Variants in RAB39A observed in about 807,000 individuals in gnomAD.
The protein encoded by RAB39A is RAB39A, member RAS oncogene family.
Under a neutral mutation model 20.9 loss-of-function variants are expected in RAB39A, and 17 were observed. That is an observed-to-expected ratio of 0.81 (90% CI 0.56 to 1.22). The LOEUF (loss-of-function observed/expected upper bound fraction) is 1.22. RAB39A is among the 50% of genes most tolerant of loss of function. The probability of loss-of-function intolerance (pLI) is 0.00; values close to 1 mark genes in which losing one functional copy is unlikely to be tolerated. For missense variants in RAB39A, 234 were observed against 270.5 expected (o/e 0.87, Z 0.95); for synonymous variants, 99 against 103.4 (o/e 0.96, Z 0.26).
chr11:107,959,257 A>G lies in RAB39A; in HGVS notation c.228-2689A>G, dbSNP rs1861470632. Among the ~76,000 whole-genome samples, 3 of 152,384 alleles carry G rather than the reference A, an allele frequency of 2.0e-5. No homozygotes were observed. The South Asian group carries it at 6.2e-4, about 32-fold the overall frequency. On this transcript the variant is annotated intron_variant, in intron 1 of 1. Transcript: ENST00000320578. ...TAAAATATTCTAGTAATGGTAAATT[A>G]AATGGATAGGAGGGATAAAAGTGAT...
intron 1 of RAB39A, among the ~76,000 whole-genome samples, chr11:107,946,476 T>A (rs1163105106): frequency 7.8e-4 from 69 of 88,858 alleles, no homozygotes; most frequent in African/African-American, 2.9e-3. Context: ...TTTTTTTTTT[T>A]TTTTTTTTTT....
chr11:107,960,030 T>G (rs2134976000), intron 1 of RAB39A, among the ~76,000 whole-genome samples: 1 of 152,174 alleles, frequency 6.6e-6, no homozygotes, highest in East Asian at 1.9e-4. Flanking sequence ...GCCAACATGG[T>G]GAAACCCTGT....
chr11:107,934,844 G>T (rs11212444), intron 1 of RAB39A, among the ~76,000 whole-genome samples: 4 of 150,200 alleles, frequency 2.7e-5, no homozygotes, highest in Non-Finnish European at 4.4e-5. Context: ...TGGGAGAATC[G>T]CTTGAACCCA....
intron 1 of RAB39A, among the ~76,000 whole-genome samples, chr11:107,946,460 A>ATATATAT (rs1861319013): frequency 6.3e-5 from 1 of 15,750 alleles, no homozygotes; most frequent in African/African-American, 2.3e-4. Context: ...ATATATATAT[A>ATATATAT]TTTTTTTTTT....
At chr11:107,948,067 G>T (rs1861337250) in intron 1 of RAB39A, among the ~76,000 whole-genome samples, 2 of 151,968 alleles carry the variant, frequency 1.3e-5, no homozygotes, top group Admixed American at 1.3e-4. Flanking sequence ...AAAAAGGCAA[G>T]GGAACCTCCC....
rs774749712 is a variant in RAB39A at position 107,962,120 on chromosome 11, A to G, written c.402A>G (p.Gln134=). 12 of 1,614,166 alleles carry G rather than the reference A, an allele frequency of 7.4e-6. No individual in the cohort carries two copies. Among genetic ancestry groups the G allele is most frequent in the Non-Finnish European group, 1.0e-5 (12 of 1,179,996 alleles). ...LVGHKCDLAS[Q]RQVTREEAEK... ...GACATAAATGTGATTTAGCTTCACAACGTCAAGTTACAAGGGAAGAAGCTG... is the reference window on the plus strand; with the variant it reads ...GACATAAATGTGATTTAGCTTCACAGCGTCAAGTTACAAGGGAAGAAGCTG... Residue 134 remains glutamine, a synonymous_variant, in exon 2 of 2, where the codon CAA becomes CAG. Coordinates refer to ENST00000320578, the MANE Select transcript of RAB39A (RefSeq NM_017516.3).
chr11:107,932,729 T>C (rs1375053760), intron 1 of RAB39A, among the ~76,000 whole-genome samples: 1 of 152,198 alleles, frequency 6.6e-6, no homozygotes, highest in Non-Finnish European at 1.5e-5. Flanking sequence ...TGTTTTGTTT[T>C]TTGAGACAAT....
Position 107,928,879 on chromosome 11 carries a change from C to G in RAB39A, c.227+84C>G, listed in dbSNP as rs564957897. ...TTCCCCAGGCGTCCGCCCCGCCGGC[C>G]CTGGTCGGGAGAGGCTCTGGCCCTT... On this transcript the variant is annotated intron_variant, in intron 1 of 1. Coordinates refer to ENST00000320578, the MANE Select transcript of RAB39A (RefSeq NM_017516.3). This position sits in a 1 kb window ranked among gnomAD's most constrained non-coding sequence, Gnocchi z 4.9. 1.7e-6 allele frequency: 2 copies of G among 1,196,416 alleles called. No individual in the cohort carries two copies. Among genetic ancestry groups the G allele is most frequent in the Non-Finnish European group, 2.3e-6 (2 of 871,438 alleles). 74.1% of individuals were successfully genotyped at this position (1,196,416 alleles called of 1,614,324 possible).
At chr11:107,931,259 G>A (rs182822646) in intron 1 of RAB39A, among the ~76,000 whole-genome samples, 6 of 152,302 alleles carry the variant, frequency 3.9e-5, no homozygotes, top group African/African-American at 1.2e-4. Flanking sequence ...TTACAGGCGC[G>A]TGAGCCACCG....
intron 1 of RAB39A, among the ~76,000 whole-genome samples, chr11:107,954,972 G>C (rs538759622): frequency 7.7e-6 from 1 of 130,406 alleles, no homozygotes; most frequent in Admixed American, 7.9e-5. Context: ...AATAGTATTT[G>C]ACAAAGAAAG....
intron 1 of RAB39A, among the ~76,000 whole-genome samples, chr11:107,949,352 C>T (rs1297141632): frequency 6.6e-6 from 1 of 151,898 alleles, no homozygotes; most frequent in Non-Finnish European, 1.5e-5. Flanking sequence ...GTTTAAATGA[C>T]TTGAAAATAA....
intron 1 of RAB39A, among the ~76,000 whole-genome samples, chr11:107,960,953 T>A (rs1200871377): frequency 1.3e-5 from 2 of 152,118 alleles, no homozygotes; most frequent in African/African-American, 2.4e-5. Flanking sequence ...GAAAGCTTTT[T>A]GTGAAGGACA....
At chr11:107,945,318 CAAAAAAAAAAA>C in intron 1 of RAB39A, among the ~76,000 whole-genome samples, 1 of 87,448 alleles carries the variant, frequency 1.1e-5, no homozygotes, top group South Asian at 4.1e-4. Context: ...CCCGTCTCTA[CAAAAAAAAAAA>C]AAAAAAAAAA....
intron 1 of RAB39A, among the ~76,000 whole-genome samples, chr11:107,950,015 A>G (rs1008991994): frequency 6.6e-6 from 1 of 151,802 alleles, no homozygotes; most frequent in African/African-American, 2.4e-5. Flanking sequence ...TACTAAAAAT[A>G]CAAAAACAAA....
chr11:107,955,944 A>G (rs1259117418), intron 1 of RAB39A, among the ~76,000 whole-genome samples: 1 of 151,786 alleles, frequency 6.6e-6, no homozygotes, highest in Non-Finnish European at 1.5e-5. Flanking sequence ...TTCTTTGGAG[A>G]GGTTTCATCA....
rs151233116 is a variant in RAB39A, at chr11:107,942,792, G to GGTGT, written c.227+14012_227+14015dup. Among the ~76,000 whole-genome samples, 992 of 150,448 alleles carry GGTGT rather than the reference G, an allele frequency of 6.6e-3. 10 individuals are homozygous for GGTGT. The highest frequency in any genetic ancestry group is 0.023 in the African/African-American group (945 of 41,140). On this transcript the variant is annotated intron_variant, in intron 1 of 1. Transcript: ENST00000320578. Reference sequence around the variant, plus strand: ...CAAGTTTTAATGGCATGTTGTATGGGGTGTGTGTGTGTGTGTGTATGTCTC... The same window carrying GGTGT: ...CAAGTTTTAATGGCATGTTGTATGGGGTGTGTGTGTGTGTGTGTGTGTATGTCTC...
At chr11:107,946,451 TATATATA>T (rs1271332392) in intron 1 of RAB39A, among the ~76,000 whole-genome samples, 10 of 81,790 alleles carry the variant, frequency 1.2e-4, no homozygotes, top group South Asian at 5.2e-4. Context: ...TATATATATA[TATATATA>T]TATTTTTTTT....
rs1861512648 is a variant in RAB39A, at chr11:107,962,804, A to G, written c.*432A>G. On this transcript the variant is annotated 3_prime_UTR_variant, in exon 2 of 2. Transcript: ENST00000320578. ...TGCACTGTTCACCTGCAGAGTAAAC[A>G]ATCTCAGAAGTATCGACTAGGACGT... The G allele has an allele frequency of 6.5e-6, 1 of 153,700 alleles. No individual in the cohort carries two copies. Among genetic ancestry groups the G allele is most frequent in the African/African-American group, 2.4e-5 (1 of 41,492 alleles). 9.5% of individuals were successfully genotyped at this position (153,700 alleles called of 1,614,324 possible).
intron 1 of RAB39A, among the ~76,000 whole-genome samples, chr11:107,940,199 TAC>T (rs1423765053): frequency 6.6e-6 from 1 of 152,086 alleles, no homozygotes; most frequent in East Asian, 1.9e-4. Context: ...GATACTGAGG[TAC>T]ACACACAGAC....
Sources: allele counts gnomAD v4.1 joint callset (sites outside exome capture counted in the v4.1 genomes callset), GRCh38; gene constraint gnomAD v4.1.1; non-coding constraint Gnocchi (gnomAD v3.1); transcripts MANE v1.5; gene names NCBI Gene and HGNC (gene_info 2026-07-23, HGNC 2026-07-21).